Variants in MTA1 observed in about 807,000 individuals in gnomAD.
MTA1 encodes metastasis-associated protein MTA1.
Under a neutral mutation model 97.0 loss-of-function variants are expected in MTA1, and 15 were observed. The ratio of observed to expected loss-of-function variants is 0.15; its 90% CI spans 0.10 to 0.24. The LOEUF (loss-of-function observed/expected upper bound fraction) is 0.24, where lower values mean the gene tolerates loss of function less well. MTA1 is among the 10% of genes least tolerant of loss of function. The pLI is 1.00. For missense variants in MTA1, 709 were observed against 1,015.1 expected (o/e 0.70, Z 4.10); for synonymous variants, 435 against 417.5 (o/e 1.04, Z -0.51).
chr14:105,425,663 T>TCCACCC (rs2081986219), intron 1 of MTA1, among the ~76,000 whole-genome samples: 3 of 151,494 alleles, frequency 2.0e-5, no homozygotes, highest in Non-Finnish European at 2.9e-5. Context: ...TGCTGGTGTC[T>TCCACCC]CCACCCCCAC....
chr14:105,463,365 G>A lies in MTA1; in HGVS notation c.1017+107G>A. On this transcript the variant is annotated intron_variant, in intron 11 of 20. Transcript: ENST00000331320. The surrounding 1 kb of genome is among the most constrained non-coding windows in gnomAD (Gnocchi z 5.9). Reference sequence around the variant, plus strand: ...ACTGCTGCAGCAGGAGGGGAAGGAAGACTCCTGAGTCCCTGGCCCGGCTGT... The same window carrying A: ...ACTGCTGCAGCAGGAGGGGAAGGAAAACTCCTGAGTCCCTGGCCCGGCTGT... 6.7e-7 allele frequency: 1 copy of A among 1,495,818 alleles called. No homozygotes were observed. The allele number at this position is 1,495,818 out of a possible 1,614,324, so 92.7% of individuals were successfully genotyped here.
chr14:105,441,773 G>A lies in MTA1; in HGVS notation c.96+3034G>A, dbSNP rs587729119. Among the ~76,000 whole-genome samples, 90 of 152,200 alleles carry A rather than the reference G, an allele frequency of 5.9e-4. 1 individual carries two copies. Among genetic ancestry groups the A allele is most frequent in the African/African-American group, 2.0e-3 (82 of 41,530 alleles). On this transcript the variant is annotated intron_variant, in intron 2 of 20. Transcript: ENST00000331320. The stretch of plus-strand genomic sequence containing the variant: ...CCCGCCACTACACTCCAGCCTGGGC[G>A]ACAGAGCGAGACTCTGTCTCAAAAA...
At chr14:105,432,283 C>A (rs1171828714) in intron 1 of MTA1, among the ~76,000 whole-genome samples, 1 of 152,158 alleles carries the variant, frequency 6.6e-6, no homozygotes, top group Non-Finnish European at 1.5e-5. Context: ...CTCTGTCACC[C>A]AGGCTGGAGT....
At chr14:105,458,477 C>T in intron 8 of MTA1, 105 bp downstream of exon 8, 4 of 1,040,490 alleles carry the variant, frequency 3.8e-6, no homozygotes, top group Non-Finnish European at 5.8e-6. Context: ...GATCCCATAT[C>T]CCAACAAGAA....
chr14:105,460,866 G>A lies in MTA1; in HGVS notation c.855G>A (p.Met285Ile), dbSNP rs1280528644. Residue 285 changes from methionine to isoleucine, a missense_variant, in exon 10 of 21, where the codon ATG becomes ATA. Met to Ile is a conservative substitution (Grantham distance 10). Around this residue, in one of 2 missense-constraint regions of MTA1, gnomAD observed 321 missense variants for 593.5 expected, o/e 0.54. Transcript: ENST00000331320. ...GGCCCGTGCTCTGCAGGGACGAGAT[G>A]GAGGAGTGGTCTGCATCAGAGGCCA... ...QGGPVLCRDE[M>I]EEWSASEANL... 1.2e-6 allele frequency: 2 copies of A among 1,612,974 alleles called. No homozygotes were observed. The highest frequency in any genetic ancestry group is 2.7e-5 in the African/African-American group (2 of 75,048).
chr14:105,457,786 C>T (rs1227972340), intron 7 of MTA1, among the ~76,000 whole-genome samples: 4 of 152,068 alleles, frequency 2.6e-5, no homozygotes, highest in African/African-American at 9.7e-5. Flanking sequence ...ATTAGCTGGG[C>T]ATGGTGTCGG....
At chr14:105,433,164 CA>C (rs1282464531) in intron 1 of MTA1, among the ~76,000 whole-genome samples, 20 of 152,110 alleles carry the variant, frequency 1.3e-4, no homozygotes, top group African/African-American at 4.6e-4. Context: ...CAGGAGAGAC[CA>C]GGGGTGGGCT....
At position 105,423,648 on chromosome 14, in the gene MTA1, G is replaced by A. The variant is rs587763724; in HGVS notation, c.28+3585G>A. Among the ~76,000 whole-genome samples, 43 of 152,358 alleles carry A rather than the reference G, an allele frequency of 2.8e-4. No homozygotes were observed. In the South Asian group the frequency reaches 5.8e-3, roughly 21 times the overall value. ...CCTGCAGGGCCGCGGGCTCTGCCCC[G>A]GTCTCTGGCGCAGCCTGGGCGGAAG... On this transcript the variant is annotated intron_variant, in intron 1 of 20. Coordinates refer to ENST00000331320, the MANE Select transcript of MTA1 (RefSeq NM_004689.4).
At chr14:105,465,694 C>G (rs1184472430) in intron 16 of MTA1, 1 of 152,684 alleles carries the variant, frequency 6.5e-6, no homozygotes, top group Non-Finnish European at 1.5e-5. Context: ...GCAGGGGGTT[C>G]CTTTGCCTTT....
intron 3 of MTA1, among the ~76,000 whole-genome samples, chr14:105,446,127 G>A (rs587640803): frequency 7.2e-5 from 11 of 152,242 alleles, no homozygotes; most frequent in African/African-American, 1.4e-4. Context: ...CTCCTGTGCC[G>A]GGGGATGTTG....
chr14:105,470,563 C>T lies in MTA1; in HGVS notation c.*348C>T, dbSNP rs188392615. 1.3e-5 allele frequency: 3 copies of T among 235,984 alleles called. No homozygotes were observed. Among genetic ancestry groups the T allele is most frequent in the Non-Finnish European group, 2.4e-5 (3 of 124,312 alleles). 14.6% of individuals were successfully genotyped at this position (235,984 alleles called of 1,614,324 possible). On this transcript the variant is annotated 3_prime_UTR_variant, in exon 21 of 21. Transcript: ENST00000331320. ...GCCATTTTAAATTTTATTTTTATTA[C>T]TTTTTTTGTAGATGAACTTGAGCTC...
intron 4 of MTA1, 28 bp from the exon 5 acceptor site, chr14:105,450,030 G>A: frequency 6.2e-7 from 1 of 1,613,264 alleles, no homozygotes; most frequent in Non-Finnish European, 8.5e-7. Context: ...GTCTGCCGCG[G>A]TGCTGACAGG....
chr14:105,466,642 C>T, intron 17 of MTA1, 64 bp downstream of exon 17: 4 of 1,587,414 alleles, frequency 2.5e-6, no homozygotes, highest in Non-Finnish European at 3.4e-6. Flanking sequence ...CCCGTCCCCG[C>T]CCGGGCACCC....
intron 18 of MTA1, 95 bp from the exon 19 acceptor site, chr14:105,469,372 G>A: frequency 7.2e-7 from 1 of 1,395,056 alleles, no homozygotes; most frequent in Non-Finnish European, 1.0e-6. Flanking sequence ...GATGGCCCCG[G>A]CCCATTGTCC....
rs144566245 is a variant in MTA1, at chr14:105,458,313, G to A, written c.594G>A (p.Val198=). The change falls in exon 8 of 21, where the codon GTG becomes GTA. Residue 198 remains valine, a synonymous_variant. Coordinates refer to ENST00000331320, the MANE Select transcript of MTA1 (RefSeq NM_004689.4). ...ACCAGTCCAGGTTGGAGACCCAGGT[G>A]TGGGAGGCGCACAACCCACTCACAG... ...GRDQSRLETQ[V]WEAHNPLTDK... The A allele has an allele frequency of 8.2e-5, 133 of 1,612,788 alleles. 1 individual carries two copies. Among genetic ancestry groups the A allele is most frequent in the Non-Finnish European group, 1.1e-4 (133 of 1,179,946 alleles).
At chr14:105,451,726 C>G (rs932562124) in intron 6 of MTA1, among the ~76,000 whole-genome samples, 2 of 151,866 alleles carry the variant, frequency 1.3e-5, no homozygotes, top group South Asian at 4.1e-4. Context: ...CTCAGGCACC[C>G]TGAAACCCTC....
chr14:105,446,242 A>C (rs1555427147), intron 3 of MTA1, among the ~76,000 whole-genome samples: 1 of 152,052 alleles, frequency 6.6e-6, no homozygotes, highest in Non-Finnish European at 1.5e-5. Flanking sequence ...GTGGTACCCC[A>C]CTGAGGCCCT....
chr14:105,461,183 G>C (rs1042024634), intron 10 of MTA1, among the ~76,000 whole-genome samples: 1 of 152,178 alleles, frequency 6.6e-6, no homozygotes, highest in Non-Finnish European at 1.5e-5. Flanking sequence ...CCTGGGCATA[G>C]AGAGCCATGC....
Position 105,464,489 on chromosome 14 carries a change from A to T in MTA1, c.1266A>T (p.Thr422=). ...MQCRLCASCW[T]YWKKYGGLKM... ...GTCGTCTCTGCGCATCTTGTTGGAC[A>T]TATTGGAAGAAATATGGTGGCTTGA... The change falls in exon 14 of 21, where the codon ACA becomes ACT. Residue 422 remains threonine, a synonymous_variant. Transcript: ENST00000331320. The T allele has an allele frequency of 6.2e-7, 1 of 1,613,552 alleles. No homozygotes were observed. Among genetic ancestry groups the T allele is most frequent in the Non-Finnish European group, 8.5e-7 (1 of 1,179,954 alleles).
Sources: allele counts gnomAD v4.1 joint callset (sites outside exome capture counted in the v4.1 genomes callset), GRCh38; gene constraint gnomAD v4.1.1; regional missense constraint gnomAD v4.1.1; non-coding constraint Gnocchi (gnomAD v3.1); transcripts MANE v1.5; gene names NCBI Gene and HGNC (gene_info 2026-07-23, HGNC 2026-07-21).